Variants in TMEM17 observed in about 807,000 individuals in gnomAD.
TMEM17 encodes the protein transmembrane protein 17.
A neutral mutation model predicts 19.1 loss-of-function variants in TMEM17; 15 were observed. The observed-to-expected ratio is 0.78, with a 90% CI of 0.52 to 1.21. The LOEUF (loss-of-function observed/expected upper bound fraction) is 1.21. Among genes scored for constraint, TMEM17 ranks in the 50% most tolerant of loss-of-function variants. The pLI is 0.00. For missense variants in TMEM17, 245 were observed against 242.3 expected (o/e 1.01, Z -0.07); for synonymous variants, 103 against 86.9 (o/e 1.19, Z -1.03).
downstream of TMEM17, among the ~76,000 whole-genome samples, chr2:62,497,581 C>T (rs751713761): frequency 2.0e-5 from 3 of 152,186 alleles, no homozygotes; most frequent in Non-Finnish European, 4.4e-5. Context: ...TTTCCAGATT[C>T]GTCATTCATT....
chr2:62,494,697 A>G, the TMEM17 span, among the ~76,000 whole-genome samples: 11 of 152,288 alleles, frequency 7.2e-5, no homozygotes, highest in East Asian at 2.1e-3. Flanking sequence ...TTGGTTGATT[A>G]TTGTTTTTAA....
the TMEM17 span, among the ~76,000 whole-genome samples, chr2:62,476,263 G>A: frequency 1.8e-4 from 27 of 152,350 alleles, no homozygotes; most frequent in African/African-American, 6.5e-4. Context: ...TTCACTCTAG[G>A]CACTATGCAG....
the TMEM17 span, among the ~76,000 whole-genome samples, chr2:62,453,674 C>T: frequency 4.6e-5 from 7 of 152,034 alleles, no homozygotes; most frequent in African/African-American, 1.4e-4. Context: ...TAAAATCTAC[C>T]AGCAATGTTT....
At chr2:62,474,592 G>A in the TMEM17 span, among the ~76,000 whole-genome samples, 1 of 152,164 alleles carries the variant, frequency 6.6e-6, no homozygotes, top group Non-Finnish European at 1.5e-5. Context: ...GGCAGCTACT[G>A]GGGAATACAA....
At chr2:62,485,834 C>T in the TMEM17 span, among the ~76,000 whole-genome samples, 1 of 152,184 alleles carries the variant, frequency 6.6e-6, no homozygotes. Flanking sequence ...AATCAGTGAA[C>T]GGTGCTCCTG....
the TMEM17 span, chr2:62,463,868 G>C: frequency 6.6e-6 from 1 of 152,260 alleles, no homozygotes; most frequent in African/African-American, 2.4e-5. Context: ...GAAGCAGCGG[G>C]ACATCAGGAC....
At chr2:62,480,889 G>T in the TMEM17 span, among the ~76,000 whole-genome samples, 1 of 152,052 alleles carries the variant, frequency 6.6e-6, no homozygotes, top group East Asian at 1.9e-4. Context: ...CCCTGAGGAG[G>T]CTATTCAGGG....
At chr2:62,479,638 C>A in the TMEM17 span, among the ~76,000 whole-genome samples, 5 of 152,074 alleles carry the variant, frequency 3.3e-5, no homozygotes, top group African/African-American at 1.2e-4. Context: ...GTAATCCCTG[C>A]AGTTTGGGAG....
At chr2:62,471,156 G>A in the TMEM17 span, among the ~76,000 whole-genome samples, 1 of 152,158 alleles carries the variant, frequency 6.6e-6, no homozygotes, top group Non-Finnish European at 1.5e-5. Flanking sequence ...GTCTTTATTA[G>A]GCACTTAATG....
downstream of TMEM17, among the ~76,000 whole-genome samples, chr2:62,495,341 A>G (rs1679753563): frequency 6.6e-6 from 1 of 152,252 alleles, no homozygotes; most frequent in Admixed American, 6.5e-5. Flanking sequence ...TAAATCTGTC[A>G]GAATACATTT....
chr2:62,456,009 A>T, the TMEM17 span, among the ~76,000 whole-genome samples: 1 of 152,214 alleles, frequency 6.6e-6, no homozygotes, highest in African/African-American at 2.4e-5. Flanking sequence ...TATCTTTGAT[A>T]AAATGTCTAC....
In TMEM17 at chr2:62,506,082, C is replaced by T; in HGVS notation, c.48G>A (p.Arg16=). 1 of 1,610,650 alleles carries T rather than the reference C, an allele frequency of 6.2e-7. No individual in the cohort carries two copies. ...PVRQRLGNFS[R]AVFSDSNRTG... is the part of the protein sequence containing the mutation. ...TCCGATTGGAATCACTGAACACGGC[C>T]CGGCTGAAGTTTCCCAGCCGCTGGC... Residue 16 remains arginine (R), a synonymous_variant, in exon 1 of 4, where the codon CGG becomes CGA. Coordinates refer to ENST00000335390, the MANE Select transcript of TMEM17 (RefSeq NM_198276.3).
chr2:62,472,602 A>G, the TMEM17 span, among the ~76,000 whole-genome samples: 1 of 152,130 alleles, frequency 6.6e-6, no homozygotes, highest in Non-Finnish European at 1.5e-5. Context: ...AATCCAAAAC[A>G]GATGTATTTC....
At chr2:62,494,320 G>C in the TMEM17 span, among the ~76,000 whole-genome samples, 1 of 152,064 alleles carries the variant, frequency 6.6e-6, no homozygotes, top group South Asian at 2.1e-4. Flanking sequence ...AGGGCTTATT[G>C]ACCACTGGGA....
the TMEM17 span, among the ~76,000 whole-genome samples, chr2:62,490,831 C>G: frequency 1.3e-5 from 2 of 152,084 alleles, no homozygotes; most frequent in African/African-American, 4.8e-5. Context: ...AATCCTGTCA[C>G]TTTGGGAGGC....
the TMEM17 span, among the ~76,000 whole-genome samples, chr2:62,475,344 G>T: frequency 9.1e-4 from 138 of 152,358 alleles, no homozygotes; most frequent in African/African-American, 3.0e-3. Context: ...CCACGCAGCC[G>T]GGCTCAGCGC....
At chr2:62,455,061 T>C in the TMEM17 span, among the ~76,000 whole-genome samples, 18 of 152,208 alleles carry the variant, frequency 1.2e-4, no homozygotes, top group African/African-American at 3.9e-4. Flanking sequence ...TTTTGAGTTG[T>C]GCCACCATCA....
the TMEM17 span, among the ~76,000 whole-genome samples, chr2:62,477,035 A>G: frequency 1.3e-5 from 2 of 152,098 alleles, no homozygotes; most frequent in African/African-American, 4.8e-5. Flanking sequence ...AGAGGGAAGG[A>G]GGGATAGTCA....
downstream of TMEM17, among the ~76,000 whole-genome samples, chr2:62,495,641 T>A (rs1451136979): frequency 6.9e-6 from 1 of 144,496 alleles, no homozygotes; most frequent in East Asian, 2.0e-4. Context: ...GCTAACCAAT[T>A]TACAAGGTAA....
Sources: gnomAD v4.1 joint callset for allele counts (sites outside exome capture counted in the v4.1 genomes callset) on GRCh38, gnomAD v4.1.1 for gene constraint, MANE v1.5 for transcripts, NCBI Gene and HGNC (gene_info 2026-07-23, HGNC 2026-07-21) for gene names.